Variants in TXNL1 observed in about 807,000 individuals in gnomAD.
TXNL1 encodes thioredoxin like 1, also known as thioredoxin-like protein 1.
TXNL1 carries 14 observed loss-of-function variants against 35.5 expected under a neutral mutation model. The observed-to-expected ratio is 0.39, with a 90% CI of 0.26 to 0.62. TXNL1 has a LOEUF of 0.62. Among genes scored for constraint, TXNL1 ranks in the 20% least tolerant of loss-of-function variants. The pLI, the probability that TXNL1 is intolerant of heterozygous loss-of-function variation, is 0.47. For missense variants in TXNL1, 263 were observed against 349.7 expected, an observed-to-expected ratio of 0.75 and a Z score of 1.98; for synonymous variants, 110 against 115.5, an observed-to-expected ratio of 0.95 and a Z score of 0.31.
intron 1 of TXNL1, 114 bp downstream of exon 1, chr18:56,638,229 G>A: frequency 9.1e-7 from 1 of 1,099,016 alleles, no homozygotes; most frequent in Non-Finnish European, 1.3e-6. Flanking sequence ...TGGGGCTGCG[G>A]CGACTGCCGG....
rs368498435 is a variant in TXNL1 at position 56,634,593 on chromosome 18, G to C, written c.98+3750C>G. On this transcript the variant is annotated intron_variant, in intron 1 of 7. Transcript: ENST00000217515. Reference sequence around the variant, plus strand: ...ACAGTGTTTTCGATAAACGGTGTTGGAAAAATTGGATATCCACATGCCAAA... The same window carrying C: ...ACAGTGTTTTCGATAAACGGTGTTGCAAAAATTGGATATCCACATGCCAAA... Among the ~76,000 whole-genome samples the C allele has an allele frequency of 5.9e-5, 9 of 152,144 alleles. No individual in the cohort carries two copies. In the East Asian group the frequency reaches 9.6e-4, roughly 16 times the overall value.
At chr18:56,608,911 C>A (rs1278647071) in intron 7 of TXNL1, 1 of 143,840 alleles carries the variant, frequency 7.0e-6, no homozygotes. Context: ...TGTGCCTCTG[C>A]ACTGCAGCAT....
intron 1 of TXNL1, among the ~76,000 whole-genome samples, chr18:56,626,980 A>ATTT (rs556368982): frequency 8.0e-5 from 10 of 125,654 alleles, no homozygotes. Context: ...ACCAAGCTAC[A>ATTT]TTTTTTTTTT....
intron 3 of TXNL1, among the ~76,000 whole-genome samples, chr18:56,621,590 G>A (rs2024187667): frequency 6.6e-6 from 1 of 152,168 alleles, no homozygotes; most frequent in Admixed American, 6.5e-5. Flanking sequence ...TGACATAACT[G>A]GAAACTGACA....
intron 3 of TXNL1, among the ~76,000 whole-genome samples, chr18:56,619,240 A>T (rs1041044765): frequency 6.6e-6 from 1 of 151,018 alleles, no homozygotes; most frequent in Non-Finnish European, 1.5e-5. Flanking sequence ...AAAAAGTATA[A>T]ACATTATATT....
intron 3 of TXNL1, among the ~76,000 whole-genome samples, chr18:56,619,278 C>A (rs2024141962): frequency 6.6e-6 from 1 of 151,218 alleles, no homozygotes; most frequent in Non-Finnish European, 1.5e-5. Context: ...TGGCTCACCC[C>A]TGCAATCCCA....
intron 1 of TXNL1, among the ~76,000 whole-genome samples, chr18:56,631,338 C>A (rs2024367104): frequency 6.6e-6 from 1 of 152,134 alleles, no homozygotes; most frequent in African/African-American, 2.4e-5. Flanking sequence ...ATTATGCACC[C>A]AGTATGCTTG....
At chr18:56,620,576 G>A (rs970759133) in intron 3 of TXNL1, among the ~76,000 whole-genome samples, 7 of 152,078 alleles carry the variant, frequency 4.6e-5, no homozygotes, top group African/African-American at 1.7e-4. Flanking sequence ...GTCTATTTAG[G>A]TGTTCTGCTT....
At chr18:56,611,710 T>C (rs2023994946) in intron 6 of TXNL1, among the ~76,000 whole-genome samples, 1 of 151,838 alleles carries the variant, frequency 6.6e-6, no homozygotes. Flanking sequence ...TATGTATTTT[T>C]TGACATGGAG....
At chr18:56,610,770 CTT>C (rs1428305457) in intron 7 of TXNL1, 2 of 301,712 alleles carry the variant, frequency 6.6e-6, no homozygotes. Flanking sequence ...TTAAAAGACT[CTT>C]TTATCAGTTA....
intron 7 of TXNL1, among the ~76,000 whole-genome samples, chr18:56,607,920 T>G (rs993254718): frequency 6.6e-6 from 1 of 152,160 alleles, no homozygotes; most frequent in Non-Finnish European, 1.5e-5. Context: ...AATGCTTAAC[T>G]GCCCCACACT....
rs1217872694 is a variant in TXNL1, at chr18:56,612,015, A to ATTTTTTTTTTT, written c.736-919_736-918insAAAAAAAAAAA. Reference sequence around the variant, plus strand: ...AGGCACATGCTGCCACGCCCGGCTAATCTTTTTTTTTTTTTTTTTTTTTTT... The same window carrying ATTTTTTTTTTT: ...AGGCACATGCTGCCACGCCCGGCTAATTTTTTTTTTTTCTTTTTTTTTTTTTTTTTTTTTTT... On this transcript the variant is annotated intron_variant, in intron 6 of 7. Coordinates refer to ENST00000217515, the MANE Select transcript of TXNL1 (RefSeq NM_004786.3). 2.8e-5 allele frequency among the ~76,000 whole-genome samples: 3 copies of ATTTTTTTTTTT among 105,478 alleles called. 1 individual carries two copies. Among genetic ancestry groups the ATTTTTTTTTTT allele is most frequent in the Non-Finnish European group, 3.7e-5 (2 of 54,194 alleles). 69.2% of individuals were successfully genotyped at this position (105,478 alleles called of 152,430 possible).
At chr18:56,633,130 G>A (rs981123260) in intron 1 of TXNL1, among the ~76,000 whole-genome samples, 10 of 150,506 alleles carry the variant, frequency 6.6e-5, no homozygotes, top group Admixed American at 2.7e-4. Flanking sequence ...TAAGCAACAC[G>A]ACAAAACCCC....
intron 6 of TXNL1, 140 bp downstream of exon 6, chr18:56,614,284 T>C (rs2024046427): frequency 3.0e-6 from 2 of 673,428 alleles, no homozygotes; most frequent in South Asian, 2.6e-5. Flanking sequence ...GAAGAAAATT[T>C]ATCCCATTAA....
At chr18:56,622,089 G>A (rs2024198450) in intron 3 of TXNL1, among the ~76,000 whole-genome samples, 1 of 150,910 alleles carries the variant, frequency 6.6e-6, no homozygotes, top group African/African-American at 2.4e-5. Flanking sequence ...TTAGCCACAT[G>A]TGGCAATTTA....
chr18:56,638,262 TAGGAAACC>T (rs2024488540), intron 1 of TXNL1, 73 bp downstream of exon 1: 1 of 1,424,044 alleles, frequency 7.0e-7, no homozygotes, highest in African/African-American at 1.4e-5. Flanking sequence ...AGCAGACGGC[TAGGAAACC>T]AGGGCCAACA....
Position 56,614,423 on chromosome 18 carries a change from C to G in TXNL1, c.735+1G>C. On this transcript the variant is annotated splice_donor_variant, in intron 6 of 7. Coordinates refer to ENST00000217515, the MANE Select transcript of TXNL1 (RefSeq NM_004786.3). LOFTEE classifies it high-confidence loss of function. The stretch of plus-strand genomic sequence containing the variant: ...ATACATATGAACGAAATACTACTTA[C>G]AGTTACACTGTTAACATTCTGAAAC... 6.2e-7 allele frequency: 1 copy of G among 1,612,350 alleles called. No individual in the cohort carries two copies. The highest frequency in any genetic ancestry group is 8.5e-7 in the Non-Finnish European group (1 of 1,179,184).
At chr18:56,630,203 G>GAA (rs577790535) in intron 1 of TXNL1, among the ~76,000 whole-genome samples, 16 of 83,658 alleles carry the variant, frequency 1.9e-4, no homozygotes, top group Non-Finnish European at 3.6e-4. Context: ...ACTTGGAAAA[G>GAA]AAAAAAAAAA....
At position 56,602,879 on chromosome 18, in the gene TXNL1, G is replaced by A. The variant is rs2023829783; in HGVS notation, c.*148C>T. 2 of 858,876 alleles carry A rather than the reference G, an allele frequency of 2.3e-6. No individual in the cohort carries two copies. The highest frequency in any genetic ancestry group is 3.7e-6 in the Non-Finnish European group (2 of 540,344). The allele number at this position is 858,876 out of a possible 1,614,324, so 53.2% of individuals were successfully genotyped here. ...CAATTGCATGTGTCAAGATTACAAT[G>A]GAAACACTAGTGATACCATCTGAAC... On this transcript the variant is annotated 3_prime_UTR_variant, in exon 8 of 8. Coordinates refer to ENST00000217515, the MANE Select transcript of TXNL1 (RefSeq NM_004786.3).
Sources: allele counts gnomAD v4.1 joint callset (sites outside exome capture counted in the v4.1 genomes callset), GRCh38; gene constraint gnomAD v4.1.1; transcripts MANE v1.5; gene names NCBI Gene and HGNC (gene_info 2026-07-23, HGNC 2026-07-21).